BANP: variants seen among roughly 807,000 people sequenced by gnomAD.
The protein encoded by BANP is protein BANP.
Under a neutral mutation model 68.1 loss-of-function variants are expected in BANP, and 11 were observed. The observed-to-expected ratio is 0.16, with a 90% confidence interval of 0.10 to 0.27. The LOEUF is 0.27. Among genes scored for constraint, BANP ranks in the 10% least tolerant of loss-of-function variants. BANP has a pLI of 1.00. For missense variants in BANP, 504 were observed against 722.7 expected, an observed-to-expected ratio of 0.70 and a Z score of 3.47; for synonymous variants, 329 against 303.2, an observed-to-expected ratio of 1.09 and a Z score of -0.88.
chr16:88,014,432 G>A (rs1206094819), intron 6 of BANP, among the ~76,000 whole-genome samples: 3 of 152,054 alleles, frequency 2.0e-5, no homozygotes, highest in Non-Finnish European at 4.4e-5. Flanking sequence ...AGTCAGGGAG[G>A]TTCTCGGTGT....
intron 4 of BANP, among the ~76,000 whole-genome samples, chr16:87,986,266 A>G (rs1000183915): frequency 4.6e-5 from 7 of 152,190 alleles, no homozygotes; most frequent in Admixed American, 2.6e-4. Flanking sequence ...ATCACGTGTC[A>G]CTTGTCACTT....
chr16:88,009,084 T>G (rs990732442), intron 6 of BANP, among the ~76,000 whole-genome samples: 1 of 152,182 alleles, frequency 6.6e-6, no homozygotes, highest in Admixed American at 6.5e-5. Context: ...AAATAGCCAA[T>G]CCATTAATGT....
At chr16:87,991,457 A>G (rs540757318) in intron 4 of BANP, among the ~76,000 whole-genome samples, 1 of 152,368 alleles carries the variant, frequency 6.6e-6, no homozygotes, top group South Asian at 2.1e-4. Context: ...ATTGATTGGC[A>G]TCGTATTGAA....
intron 5 of BANP, 96 bp from the exon 6 acceptor site, chr16:88,005,994 C>A: frequency 6.8e-7 from 1 of 1,480,420 alleles, no homozygotes; most frequent in Non-Finnish European, 9.4e-7. Flanking sequence ...CACTGGTCCA[C>A]ACAGAGTTAG....
intron 13 of BANP, among the ~76,000 whole-genome samples, chr16:88,074,138 A>T (rs1182507622): frequency 5.3e-5 from 8 of 152,170 alleles, no homozygotes; most frequent in Non-Finnish European, 5.9e-5. Flanking sequence ...GAAGGCCTTC[A>T]TGGTGACTCT....
At chr16:87,983,595 C>G (rs1047141360) in intron 3 of BANP, among the ~76,000 whole-genome samples, 11 of 152,178 alleles carry the variant, frequency 7.2e-5, no homozygotes, top group African/African-American at 2.7e-4. Context: ...GACCAAATCC[C>G]AAGTCAGGGC....
At position 87,989,858 on chromosome 16, in the gene BANP, T is replaced by C. The variant is rs112038284; in HGVS notation, c.362+5599T>C. ...GGGGATGCAGGCCCGCGTGGCTGCG[T>C]GCATCCAGGACACAGGACACAGGGT... On this transcript the variant is annotated intron_variant, in intron 4 of 13. Transcript: ENST00000682872. 2.4e-3 allele frequency among the ~76,000 whole-genome samples: 144 copies of C among 58,906 alleles called. 1 individual carries two copies. Among genetic ancestry groups the C allele is most frequent in the Middle Eastern group, 0.022 (1 of 46 alleles). 38.6% of individuals were successfully genotyped at this position (58,906 alleles called of 152,430 possible). A position where few individuals can be genotyped will look rare whatever the true frequency, so the allele number is the denominator to read the frequency against.
Position 88,004,223 on chromosome 16 carries a change from T to G in BANP, c.363-72T>G. ...CTGGGAGTGGACTGTGTTGAATGAC[T>G]CTTATGTGCTCTTACCATGAATGTT... On this transcript the variant is annotated intron_variant, in intron 4 of 13. Coordinates refer to ENST00000682872, the MANE Select transcript of BANP (RefSeq NM_001386991.1). The surrounding 1 kb of genome is among the most constrained non-coding windows in gnomAD (Gnocchi z 7.0). 1.1e-6 allele frequency: 1 copy of G among 925,324 alleles called. No individual in the cohort carries two copies. Among genetic ancestry groups the G allele is most frequent in the Non-Finnish European group, 1.7e-6 (1 of 583,734 alleles). The allele number at this position is 925,324 out of a possible 1,614,324, so 57.3% of individuals were successfully genotyped here. A position where few individuals can be genotyped will look rare whatever the true frequency, so the allele number is the denominator to read the frequency against.
intron 1 of BANP, among the ~76,000 whole-genome samples, chr16:87,959,380 G>T (rs2058684199): frequency 6.6e-6 from 1 of 152,276 alleles, no homozygotes; most frequent in Non-Finnish European, 1.5e-5. Flanking sequence ...GCCCTCACGT[G>T]CCACCCCCTG....
chr16:88,042,208 G>T (rs1423948307), intron 11 of BANP, among the ~76,000 whole-genome samples: 8 of 152,258 alleles, frequency 5.3e-5, no homozygotes, highest in Non-Finnish European at 1.2e-4. Flanking sequence ...AGCGGATGGT[G>T]CATCCCAAAT....
intron 1 of BANP, among the ~76,000 whole-genome samples, chr16:87,969,273 T>G (rs777594050): frequency 2.0e-5 from 3 of 152,068 alleles, no homozygotes; most frequent in Non-Finnish European, 4.4e-5. Flanking sequence ...ATGTAGGTCT[T>G]TGCACACATA....
intron 13 of BANP, among the ~76,000 whole-genome samples, chr16:88,075,778 G>C (rs1250037771): frequency 6.9e-6 from 1 of 144,360 alleles, no homozygotes; most frequent in Admixed American, 7.0e-5. Flanking sequence ...ATGGAGTCTG[G>C]CTCTGTTGCC....
In BANP at chr16:88,029,610, C is replaced by CAA. The variant is rs60313647; in HGVS notation, c.1063+1976_1063+1977dup. The stretch of plus-strand genomic sequence containing the variant: ...TGGGCTACAGAGCAAGACTCCGTCT[C>CAA]AAAAAAAAAAAAAAAAAGTCAAGGA... On this transcript the variant is annotated intron_variant, in intron 8 of 13. Transcript: ENST00000682872. Among the ~76,000 whole-genome samples the CAA allele has an allele frequency of 2.5e-3, 294 of 118,944 alleles. 3 individuals are homozygous for CAA. The highest frequency in any genetic ancestry group is 5.8e-3 in the African/African-American group (143 of 24,708). 78.0% of individuals were successfully genotyped at this position (118,944 alleles called of 152,430 possible).
rs73242951 is a variant in BANP, at chr16:87,981,910, C to T, written c.162+783C>T. Among the ~76,000 whole-genome samples the T allele has an allele frequency of 5.4e-3, 817 of 152,206 alleles. 11 individuals are homozygous for T. Among genetic ancestry groups the T allele is most frequent in the African/African-American group, 0.019 (771 of 41,528 alleles). On this transcript the variant is annotated intron_variant, in intron 3 of 13. Coordinates refer to ENST00000682872, the MANE Select transcript of BANP (RefSeq NM_001386991.1). The stretch of plus-strand genomic sequence containing the variant: ...TTGGTTCCAGTGTTTGCAGAGTCAC[C>T]GAGGTAAATATCGGCACATGTGAGA...
At chr16:87,991,474 G>C (rs2065888230) in intron 4 of BANP, among the ~76,000 whole-genome samples, 1 of 152,198 alleles carries the variant, frequency 6.6e-6, no homozygotes, top group Admixed American at 6.5e-5. Flanking sequence ...TGAATCTGTA[G>C]ATCAATTTGG....
intron 11 of BANP, among the ~76,000 whole-genome samples, chr16:88,063,059 T>C (rs1258977204): frequency 1.3e-5 from 2 of 152,232 alleles, no homozygotes; most frequent in African/African-American, 4.8e-5. Context: ...TATCTCAGCC[T>C]CCTGTGTGTT....
In BANP at chr16:88,002,563, A is replaced by G. The variant is rs1054131369; in HGVS notation, c.363-1732A>G. ...GAGAGTCATCTTTAGGCAACAGGAC[A>G]TTCTGGAAGGTGGGGATCTGGAGAC... On this transcript the variant is annotated intron_variant, in intron 4 of 13. Coordinates refer to ENST00000682872, the MANE Select transcript of BANP (RefSeq NM_001386991.1). This position sits in a 1 kb window ranked among gnomAD's most constrained non-coding sequence, Gnocchi z 4.6. Among the ~76,000 whole-genome samples, 3 of 152,120 alleles carry G rather than the reference A, an allele frequency of 2.0e-5. No homozygotes were observed. The highest frequency in any genetic ancestry group is 4.8e-5 in the African/African-American group (2 of 41,422).
chr16:87,962,503 A>C (rs1175883145), intron 1 of BANP, among the ~76,000 whole-genome samples: 1 of 152,204 alleles, frequency 6.6e-6, no homozygotes, highest in Non-Finnish European at 1.5e-5. Flanking sequence ...GAGGACCCTG[A>C]GGCCAGAAAG....
At chr16:87,961,417 G>A (rs867149687) in intron 1 of BANP, among the ~76,000 whole-genome samples, 20 of 76,202 alleles carry the variant, frequency 2.6e-4, no homozygotes, top group Middle Eastern at 6.3e-3. Context: ...GCACCCCCCC[G>A]GGCCTCCCAA....
Sources: gnomAD v4.1 joint callset for allele counts (sites outside exome capture counted in the v4.1 genomes callset) on GRCh38, gnomAD v4.1.1 for gene constraint, Gnocchi (gnomAD v3.1) non-coding constraint, MANE v1.5 for transcripts, NCBI Gene and HGNC (gene_info 2026-07-23, HGNC 2026-07-21) for gene names.